Variants in SAMD3 observed in about 807,000 individuals in gnomAD.
SAMD3 encodes sterile alpha motif domain-containing protein 3.
Under a neutral mutation model 58.5 loss-of-function variants are expected in SAMD3, and 63 were observed. That is an observed-to-expected ratio of 1.08 (90% CI 0.88 to 1.33). SAMD3 has a LOEUF of 1.33. SAMD3 is among the 40% of genes most tolerant of loss of function. SAMD3 has a pLI of 0.00. For synonymous variants in SAMD3, 220 were observed against 210.3 expected, an observed-to-expected ratio of 1.05 and a Z score of -0.40; for missense variants, 604 against 608.4, an observed-to-expected ratio of 0.99 and a Z score of 0.08.
chr6:130,359,354 C>T (rs150387), intron 1 of SAMD3, among the ~76,000 whole-genome samples: 1 of 152,170 alleles, frequency 6.6e-6, no homozygotes, highest in South Asian at 2.1e-4. Flanking sequence ...CCTATTTCTC[C>T]TATGCCTTCC....
chr6:130,153,704 C>T (rs982918208), intron 9 of SAMD3, among the ~76,000 whole-genome samples: 26 of 127,020 alleles, frequency 2.0e-4, no homozygotes, highest in Non-Finnish European at 4.4e-4. Flanking sequence ...GAGACAGGGT[C>T]TCACTGTGTC....
At chr6:130,191,413 A>G (rs1174535423) in intron 5 of SAMD3, among the ~76,000 whole-genome samples, 1 of 152,178 alleles carries the variant, frequency 6.6e-6, no homozygotes, top group African/African-American at 2.4e-5. Context: ...GTTTGGATAT[A>G]AACATTCGCA....
chr6:130,154,134 C>G (rs1414988413), intron 9 of SAMD3, among the ~76,000 whole-genome samples: 1 of 152,000 alleles, frequency 6.6e-6, no homozygotes, highest in Non-Finnish European at 1.5e-5. Context: ...CAAAATACCC[C>G]TAAGTGATGA....
At chr6:130,187,944 C>T (rs1015365474) in intron 5 of SAMD3, among the ~76,000 whole-genome samples, 4 of 152,274 alleles carry the variant, frequency 2.6e-5, no homozygotes, top group East Asian at 1.9e-4. Context: ...AGTTGGCCCC[C>T]GGCTAACTGA....
chr6:130,223,511 C>T (rs1383715395), upstream of SAMD3, among the ~76,000 whole-genome samples: 1 of 152,184 alleles, frequency 6.6e-6, no homozygotes, highest in Non-Finnish European at 1.5e-5. Context: ...AAGGTGACTT[C>T]TGTATCCACC....
chr6:130,250,052 T>C lies in SAMD3; in HGVS notation c.-187-27239A>G, dbSNP rs144302240. 6.0e-3 allele frequency among the ~76,000 whole-genome samples: 912 copies of C among 152,170 alleles called. 11 individuals carry two copies. Among genetic ancestry groups the C allele is most frequent in the African/African-American group, 0.021 (867 of 41,510 alleles). ...CCCAGGGATGAAGTAATAGGAAATA[T>C]GCGGGAATGGAGAGGCACAGGAGCC... On this transcript the variant is annotated intron_variant, in intron 2 of 13. Coordinates refer to the SAMD3 transcript ENST00000368134.
intron 2 of SAMD3, among the ~76,000 whole-genome samples, chr6:130,271,748 A>G (rs1774571135): frequency 6.6e-6 from 1 of 152,170 alleles, no homozygotes; most frequent in Admixed American, 6.6e-5. Context: ...GGTTTAATGG[A>G]CTCACAGTTC....
intron 2 of SAMD3, among the ~76,000 whole-genome samples, chr6:130,239,039 G>A (rs985717533): frequency 6.6e-6 from 1 of 152,136 alleles, no homozygotes; most frequent in African/African-American, 2.4e-5. Flanking sequence ...GATTACAGGC[G>A]TGAGCCATCA....
intron 2 of SAMD3, among the ~76,000 whole-genome samples, chr6:130,245,886 C>T (rs1247193016): frequency 3.3e-5 from 5 of 152,018 alleles, no homozygotes; most frequent in African/African-American, 1.2e-4. Context: ...GTGTGTCTTC[C>T]CTCAGTTACA....
intron 2 of SAMD3, among the ~76,000 whole-genome samples, chr6:130,310,544 T>C (rs1053319608): frequency 2.6e-5 from 4 of 152,238 alleles, no homozygotes; most frequent in African/African-American, 9.6e-5. Flanking sequence ...TACGTAGATA[T>C]AGTTTTGGTT....
rs191218364 is a variant in SAMD3, at chr6:130,196,514, G to A, written c.384-11891C>T. 2.7e-3 allele frequency among the ~76,000 whole-genome samples: 407 copies of A among 152,186 alleles called. 5 individuals are homozygous for A. Among genetic ancestry groups the A allele is most frequent in the African/African-American group, 9.5e-3 (393 of 41,514 alleles). ...CCTGATCACACTTAGTTTATTGATG[G>A]CAGCTCCACCAGGCCTAATCGCCAC... On this transcript the variant is annotated intron_variant, in intron 5 of 11. Transcript: ENST00000439090.
chr6:130,153,658 ATATATATTTATT>A (rs1789431898), intron 9 of SAMD3, among the ~76,000 whole-genome samples: 1 of 96,850 alleles, frequency 1.0e-5, no homozygotes, highest in South Asian at 3.7e-4. Context: ...ATATATATAT[ATATATATTTATT>A]TATTTATTTA....
chr6:130,145,719 GT>G (rs768382522), intron 10 of SAMD3, among the ~76,000 whole-genome samples: 14 of 152,002 alleles, frequency 9.2e-5, no homozygotes, highest in Admixed American at 2.0e-4. Flanking sequence ...CTGGTTACTA[GT>G]TCCCTAAATA....
At chr6:130,151,674 C>T (rs1194652701) in intron 9 of SAMD3, among the ~76,000 whole-genome samples, 3 of 152,188 alleles carry the variant, frequency 2.0e-5, no homozygotes, top group Non-Finnish European at 2.9e-5. Context: ...CTCCTGACCT[C>T]AGGTGATCTG....
intron 2 of SAMD3, among the ~76,000 whole-genome samples, chr6:130,228,161 G>A (rs1796436547): frequency 6.6e-6 from 1 of 152,106 alleles, no homozygotes; most frequent in Admixed American, 6.5e-5. Flanking sequence ...TATACATGTT[G>A]TATATACAAA....
intron 5 of SAMD3, among the ~76,000 whole-genome samples, chr6:130,203,490 C>T (rs1475402367): frequency 6.6e-6 from 1 of 152,186 alleles, no homozygotes; most frequent in African/African-American, 2.4e-5. Flanking sequence ...ACTGCTCTCC[C>T]AGACCATCTG....
chr6:130,259,377 A>G (rs1774034568), intron 2 of SAMD3, among the ~76,000 whole-genome samples: 1 of 152,188 alleles, frequency 6.6e-6, no homozygotes, highest in African/African-American at 2.4e-5. Flanking sequence ...GAGAGAAAGC[A>G]AGAGCGTGGA....
At chr6:130,313,864 G>C (rs1288590635) in intron 1 of SAMD3, among the ~76,000 whole-genome samples, 1 of 152,192 alleles carries the variant, frequency 6.6e-6, no homozygotes, top group Non-Finnish European at 1.5e-5. Context: ...TCACAGTTCT[G>C]TTTTCTCTGG....
intron 5 of SAMD3, among the ~76,000 whole-genome samples, chr6:130,196,649 T>C (rs1453823700): frequency 1.3e-5 from 2 of 152,242 alleles, no homozygotes; most frequent in Non-Finnish European, 2.9e-5. Flanking sequence ...AACTTCTCAG[T>C]GTTCCATCTG....
Sources: gnomAD v4.1 joint callset for allele counts (sites outside exome capture counted in the v4.1 genomes callset) on GRCh38, gnomAD v4.1.1 for gene constraint, MANE v1.5 for transcripts, NCBI Gene and HGNC (gene_info 2026-07-23, HGNC 2026-07-21) for gene names.